Variants in NR2C1 observed in about 807,000 individuals in gnomAD.
NR2C1 encodes the protein nuclear receptor subfamily 2 group C member 1, also known as TR2 nuclear hormone receptor.
NR2C1 carries 33 observed loss-of-function variants against 74.8 expected under a neutral mutation model. The ratio of observed to expected loss-of-function variants is 0.44; its 90% CI spans 0.33 to 0.59. The LOEUF (loss-of-function observed/expected upper bound fraction) is 0.59, where lower values mean the gene tolerates loss of function less well. Ranked by LOEUF, NR2C1 falls within the 20% of genes least tolerant of loss-of-function variation. The pLI is 0.02. For missense variants in NR2C1, 568 were observed against 715.6 expected (o/e 0.79, Z 2.35); for synonymous variants, 225 against 240.6 (o/e 0.94, Z 0.60).
intron 7 of NR2C1, among the ~76,000 whole-genome samples, chr12:95,055,026 A>T (rs1265903365): frequency 6.6e-6 from 1 of 152,182 alleles, no homozygotes; most frequent in Non-Finnish European, 1.5e-5. Flanking sequence ...AATCCATTTA[A>T]CCCTGAGTGG....
At chr12:95,028,128 T>C (rs563121500) in intron 12 of NR2C1, 28 of 273,164 alleles carry the variant, frequency 1.0e-4, no homozygotes, top group African/African-American at 6.0e-4. Context: ...TCTCCACTTT[T>C]TGACTATTAT....
At chr12:95,022,551 C>A in intron 13 of NR2C1, 148 bp from the exon 14 acceptor site, 1 of 695,786 alleles carries the variant, frequency 1.4e-6, no homozygotes, top group South Asian at 1.8e-5. Context: ...TATTCTCAAG[C>A]CTTAGAACAT....
At chr12:95,044,434 A>ATTT (rs57195159) in intron 9 of NR2C1, among the ~76,000 whole-genome samples, 107 of 141,640 alleles carry the variant, frequency 7.6e-4, no homozygotes, top group African/African-American at 2.4e-3. Context: ...CACCCGGCTA[A>ATTT]TTTTTTTTTT....
At chr12:95,071,879 G>C (rs556215890) in intron 1 of NR2C1, among the ~76,000 whole-genome samples, 3 of 151,288 alleles carry the variant, frequency 2.0e-5, no homozygotes, top group African/African-American at 7.3e-5. Flanking sequence ...CTCCGGAGTT[G>C]CTGGGATTAC....
At chr12:95,025,978 G>T (rs186573681) in intron 12 of NR2C1, among the ~76,000 whole-genome samples, 55 of 151,608 alleles carry the variant, frequency 3.6e-4, no homozygotes, top group Admixed American at 2.2e-3. Flanking sequence ...AGGCCGAGGT[G>T]GGGGGGATCA....
chr12:95,069,853 A>T lies in NR2C1; in HGVS notation c.-7-2462T>A, dbSNP rs1030986319. Among the ~76,000 whole-genome samples, 5 of 115,068 alleles carry T rather than the reference A, an allele frequency of 4.3e-5. No individual in the cohort carries two copies. The East Asian group carries it at 6.4e-4, about 15-fold the overall frequency. 75.5% of individuals were successfully genotyped at this position (115,068 alleles called of 152,430 possible). On this transcript the variant is annotated intron_variant, in intron 1 of 13. Coordinates refer to ENST00000333003, the MANE Select transcript of NR2C1 (RefSeq NM_003297.4). ...ACTGCATGGGGATTCTCAACCTTATAAAAAAAAAGCAACTCTCCCTTTCCC... is the reference window on the plus strand; with the variant it reads ...ACTGCATGGGGATTCTCAACCTTATTAAAAAAAAGCAACTCTCCCTTTCCC...
intron 9 of NR2C1, among the ~76,000 whole-genome samples, chr12:95,043,357 G>A (rs1427435623): frequency 6.6e-6 from 1 of 152,004 alleles, no homozygotes; most frequent in African/African-American, 2.4e-5. Context: ...ACTAGTTTTG[G>A]GGGAAGGGGC....
intron 1 of NR2C1, among the ~76,000 whole-genome samples, chr12:95,069,160 A>G (rs990772676): frequency 2.6e-5 from 4 of 152,246 alleles, no homozygotes; most frequent in African/African-American, 9.6e-5. Context: ...AATTAAAGTA[A>G]TAAACAAATA....
At chr12:95,059,794 C>T in intron 4 of NR2C1, 112 bp downstream of exon 4, 2 of 731,684 alleles carry the variant, frequency 2.7e-6, no homozygotes, top group East Asian at 2.8e-5. Flanking sequence ...CTTTATTTCT[C>T]TTCTTACTTT....
chr12:95,057,626 T>G lies in NR2C1; in HGVS notation c.710A>C (p.Asp237Ala). Residue 237 changes from aspartate (D) to alanine (A), a missense_variant, in exon 7 of 14, where the codon GAT becomes GCT. Physicochemically the swap from Asp to Ala is moderately radical, Grantham distance 126. This residue lies in a region of NR2C1 where 239 missense variants were observed against 232.3 expected (regional missense o/e 1.03). Transcript: ENST00000333003. ...ATGAATATTCATGAACATTCCTGAA[T>G]CTAACAGTCCTGTTGACCTGTAACA... ...SESTRSTGLL[D>A]SGMFMNIHPS... 1 of 1,613,980 alleles carries G rather than the reference T, an allele frequency of 6.2e-7. No individual in the cohort carries two copies. The highest frequency in any genetic ancestry group is 1.3e-5 in the African/African-American group (1 of 75,048).
chr12:95,038,153 G>C (rs1286149499), intron 10 of NR2C1, among the ~76,000 whole-genome samples: 1 of 152,100 alleles, frequency 6.6e-6, no homozygotes, highest in Non-Finnish European at 1.5e-5. Flanking sequence ...TCTCAATACA[G>C]ATCACAGGAA....
intron 10 of NR2C1, among the ~76,000 whole-genome samples, chr12:95,038,967 G>T (rs1421882698): frequency 6.6e-6 from 1 of 152,060 alleles, no homozygotes; most frequent in Non-Finnish European, 1.5e-5. Context: ...CTGGACGTTG[G>T]GCGAGGTGGT....
In NR2C1 at chr12:95,043,290, A is replaced by C. The variant is rs1000109595; in HGVS notation, c.1132-2693T>G. On this transcript the variant is annotated intron_variant, in intron 9 of 13. Coordinates refer to ENST00000333003, the MANE Select transcript of NR2C1 (RefSeq NM_003297.4). Reference sequence around the variant, plus strand: ...AACAAAATATATCATATCTTTTCAGAATTACCCAAGGTGAGTAAAAAGGAA... The same window carrying C: ...AACAAAATATATCATATCTTTTCAGCATTACCCAAGGTGAGTAAAAAGGAA... 1.3e-4 allele frequency among the ~76,000 whole-genome samples: 19 copies of C among 151,986 alleles called. 4 individuals carry two copies. Among genetic ancestry groups the C allele is most frequent in the Admixed American group, 7.2e-4 (11 of 15,234 alleles).
Position 95,043,689 on chromosome 12 carries a change from C to CA in NR2C1, c.1132-3093dup, listed in dbSNP as rs34229669. On this transcript the variant is annotated intron_variant, in intron 9 of 13. Coordinates refer to ENST00000333003, the MANE Select transcript of NR2C1 (RefSeq NM_003297.4). ...TGGGAGACAGAGCAAGACTCTGTCT[C>CA]AAAAAAAAAAAAAATCCTTTGCAAA... Among the ~76,000 whole-genome samples, 301 of 94,188 alleles carry CA rather than the reference C, an allele frequency of 3.2e-3. 14 individuals are homozygous for CA. Among genetic ancestry groups the CA allele is most frequent in the South Asian group, 6.4e-3 (19 of 2,980 alleles). 61.8% of individuals were successfully genotyped at this position (94,188 alleles called of 152,430 possible).
In NR2C1 at chr12:95,059,986, TAAAAAAAAAAAA is replaced by T. The variant is rs79760875; in HGVS notation, c.286-14_286-3del. On this transcript the variant is annotated splice_region_variant and splice_polypyrimidine_tract_variant and intron_variant, in intron 3 of 13. Transcript: ENST00000333003. Reference sequence around the variant, plus strand: ...GTCTGGAGAATTATCTGTTAGGAGCTAAAAAAAAAAAAAAAAAAAAAGAAAACAAAAACGAAA... The same window carrying T: ...GTCTGGAGAATTATCTGTTAGGAGCTAAAAAAAAAGAAAACAAAAACGAAA... 83 of 1,074,570 alleles carry T rather than the reference TAAAAAAAAAAAA, an allele frequency of 7.7e-5. No individual in the cohort carries two copies. The highest frequency in any genetic ancestry group is 7.7e-4 in the African/African-American group (33 of 43,048). The allele number at this position is 1,074,570 out of a possible 1,614,324, so 66.6% of individuals were successfully genotyped here. A position where few individuals can be genotyped will look rare whatever the true frequency, so the allele number is the denominator to read the frequency against.
intron 1 of NR2C1, among the ~76,000 whole-genome samples, chr12:95,069,054 G>A (rs1401582863): frequency 6.6e-6 from 1 of 152,122 alleles, no homozygotes; most frequent in Non-Finnish European, 1.5e-5. Flanking sequence ...GAAAGAAACT[G>A]CAAGTTTGGA....
chr12:95,043,862 C>T (rs1036319749), intron 9 of NR2C1, among the ~76,000 whole-genome samples: 3 of 152,064 alleles, frequency 2.0e-5, no homozygotes, highest in Non-Finnish European at 4.4e-5. Context: ...ACAACACACA[C>T]TAAAGGGACT....
intron 9 of NR2C1, among the ~76,000 whole-genome samples, chr12:95,046,575 G>T (rs902684662): frequency 6.6e-6 from 1 of 152,024 alleles, no homozygotes; most frequent in African/African-American, 2.4e-5. Context: ...GTGAGAGTGA[G>T]ACCCTATCTC....
chr12:95,044,881 AAAAAACAAAAAC>A (rs746009630), intron 9 of NR2C1, among the ~76,000 whole-genome samples: 2 of 152,044 alleles, frequency 1.3e-5, no homozygotes, highest in Admixed American at 1.3e-4. Context: ...GTCTGTCTCA[AAAAAACAAAAAC>A]AAAAACAAAA....
Sources: allele counts gnomAD v4.1 joint callset (sites outside exome capture counted in the v4.1 genomes callset), GRCh38; gene constraint gnomAD v4.1.1; regional missense constraint gnomAD v4.1.1; transcripts MANE v1.5; gene names NCBI Gene and HGNC (gene_info 2026-07-23, HGNC 2026-07-21).